Variants in RIMS2 observed in about 807,000 individuals in gnomAD.
RIMS2 encodes the protein regulating synaptic membrane exocytosis 2.
In RIMS2, 59 loss-of-function variants were observed where a neutral mutation model predicts 174.4. That is an observed-to-expected ratio of 0.34 (90% CI 0.27 to 0.42). The LOEUF is 0.42. Among genes scored for constraint, RIMS2 ranks in the 10% least tolerant of loss-of-function variants. The probability of loss-of-function intolerance (pLI) is 1.00; values close to 1 mark genes in which losing one functional copy is unlikely to be tolerated. For synonymous variants in RIMS2, 606 were observed against 572.5 expected, an observed-to-expected ratio of 1.06 and a Z score of -0.84; for missense variants, 1,620 against 1,666.3, an observed-to-expected ratio of 0.97 and a Z score of 0.48.
chr8:103,939,013 C>T (rs56309866), intron 13 of RIMS2, among the ~76,000 whole-genome samples: 19,293 of 152,158 alleles, frequency 0.13, 1,685 homozygotes, highest in Non-Finnish European at 0.19. Context: ...TGGGCTGGCG[C>T]TGAGTGTCTG....
chr8:103,992,252 G>T (rs2094757230), intron 17 of RIMS2, among the ~76,000 whole-genome samples: 2 of 149,950 alleles, frequency 1.3e-5, no homozygotes, highest in Admixed American at 6.7e-5. Flanking sequence ...GGGATTACAG[G>T]CATGTGCCAC....
intron 19 of RIMS2, among the ~76,000 whole-genome samples, chr8:104,105,382 T>A (rs2098026141): frequency 6.6e-6 from 1 of 152,144 alleles, no homozygotes; most frequent in African/African-American, 2.4e-5. Context: ...AAACAGCATG[T>A]TCAAGAAAGT....
rs535408168 is a variant in RIMS2 at position 103,778,820 on chromosome 8, A to G, written c.698+12283A>G. 5.9e-5 allele frequency among the ~76,000 whole-genome samples: 9 copies of G among 152,082 alleles called. No individual in the cohort carries two copies. In the South Asian group the frequency reaches 1.0e-3, roughly 18 times the overall value. On this transcript the variant is annotated intron_variant, in intron 3 of 23. Coordinates refer to ENST00000504942, the Ensembl canonical transcript of RIMS2. ...AGTTCTATTTTTAGTTTTTTGAGGA[A>G]CCGCCAAACTCTTCTCCATAGTGGC...
intron 19 of RIMS2, among the ~76,000 whole-genome samples, chr8:104,018,089 A>G (rs1305612126): frequency 6.6e-6 from 1 of 152,178 alleles, no homozygotes; most frequent in South Asian, 2.1e-4. Context: ...ATAAGTATCT[A>G]TTGGAGTCTT....
intron 3 of RIMS2, among the ~76,000 whole-genome samples, chr8:103,818,189 A>G (rs1705376001): frequency 2.0e-5 from 3 of 152,144 alleles, no homozygotes; most frequent in South Asian, 4.1e-4. Context: ...AACTTAATGT[A>G]TTTAAATGTC....
At chr8:103,607,103 T>C (rs935172398) in intron 1 of RIMS2, among the ~76,000 whole-genome samples, 1 of 152,158 alleles carries the variant, frequency 6.6e-6, no homozygotes, top group African/African-American at 2.4e-5. Flanking sequence ...GTCTCGATGG[T>C]CTTTACATTT....
intron 3 of RIMS2, among the ~76,000 whole-genome samples, chr8:103,824,029 G>T (rs774876442): frequency 2.6e-5 from 4 of 151,764 alleles, no homozygotes; most frequent in Non-Finnish European, 4.4e-5. Context: ...TATCTATTTA[G>T]ATTTCTAATC....
intron 1 of RIMS2, among the ~76,000 whole-genome samples, chr8:103,518,320 T>C (rs180969511): frequency 6.6e-6 from 1 of 152,200 alleles, no homozygotes; most frequent in East Asian, 1.9e-4. Flanking sequence ...AGAGGAATTG[T>C]CTTGGGCCAC....
rs1334005727 is a variant in RIMS2 at position 104,025,130 on chromosome 8, C to T, written c.3334+10515C>T. Among the ~76,000 whole-genome samples the T allele has an allele frequency of 6.6e-5, 10 of 152,108 alleles. No individual in the cohort carries two copies. In the South Asian group the frequency reaches 8.3e-4, roughly 13 times the overall value. On this transcript the variant is annotated intron_variant, in intron 19 of 23. Coordinates refer to ENST00000504942, the Ensembl canonical transcript of RIMS2. ...GTTCATTCTAAATTTTATTATTTGC[C>T]GTGTAGATATGCTATAAATCTACTT... is the stretch of plus-strand genomic sequence containing the variant.
chr8:104,135,563 G>A (rs1014352976), intron 19 of RIMS2, among the ~76,000 whole-genome samples: 5 of 141,958 alleles, frequency 3.5e-5, no homozygotes, highest in East Asian at 4.4e-4. Context: ...TTGTGATCAC[G>A]CCAGTGCACT....
chr8:103,602,332 C>T (rs546245292), intron 1 of RIMS2, among the ~76,000 whole-genome samples: 5 of 152,168 alleles, frequency 3.3e-5, no homozygotes, highest in South Asian at 4.1e-4. Flanking sequence ...TTTGGGGTTA[C>T]GTGTGCAGGT....
intron 19 of RIMS2, among the ~76,000 whole-genome samples, chr8:104,206,210 G>T (rs1446896113): frequency 6.6e-6 from 1 of 152,152 alleles, no homozygotes; most frequent in African/African-American, 2.4e-5. Flanking sequence ...ACAGAGAGGG[G>T]TTATTGAGTT....
chr8:103,585,556 A>C (rs925176873), intron 1 of RIMS2, among the ~76,000 whole-genome samples: 1 of 152,228 alleles, frequency 6.6e-6, no homozygotes, highest in Non-Finnish European at 1.5e-5. Context: ...TCAGCCATAA[A>C]AAAGAATGAC....
chr8:104,073,962 A>C (rs1005158591), intron 19 of RIMS2, among the ~76,000 whole-genome samples: 7 of 152,210 alleles, frequency 4.6e-5, no homozygotes, highest in African/African-American at 1.7e-4. Context: ...TATTAATAGA[A>C]AATATTTCAG....
chr8:103,971,211 C>T (rs1459859635), intron 15 of RIMS2, among the ~76,000 whole-genome samples: 2 of 152,112 alleles, frequency 1.3e-5, no homozygotes, highest in East Asian at 1.9e-4. Context: ...TAATTTATTT[C>T]CCATTGAAAA....
At chr8:103,651,074 C>T (rs2096443132) in intron 1 of RIMS2, among the ~76,000 whole-genome samples, 1 of 152,238 alleles carries the variant, frequency 6.6e-6, no homozygotes, top group South Asian at 2.1e-4. Context: ...CGAAACCTCA[C>T]ATAGCTCAGT....
intron 19 of RIMS2, chr8:104,094,392 T>C (rs1252609445): frequency 1.7e-6 from 1 of 573,186 alleles, no homozygotes; most frequent in Non-Finnish European, 3.1e-6. Flanking sequence ...TTATTACCTT[T>C]CTGTTTAATT....
In RIMS2 at chr8:104,251,817, A is replaced by T. The variant is rs138693244; in HGVS notation, c.4047A>T (p.Ser1349=). The stretch of plus-strand genomic sequence containing the variant: ...CAACTGGACCTTCTTACTCTCGTTC[A>T]TAGCAGCTGTAAAAAAATTGTTGTC... Residue 1349 remains serine, a synonymous_variant, in exon 24 of 24, where the codon TCA becomes TCT. Transcript: ENST00000504942. The T allele has an allele frequency of 1.3e-4, 198 of 1,575,916 alleles. No individual in the cohort carries two copies. The African/African-American group carries it at 2.5e-3, about 20-fold the overall frequency.
At chr8:103,615,628 G>A (rs574479016) in intron 1 of RIMS2, among the ~76,000 whole-genome samples, 4,698 of 152,086 alleles carry the variant, frequency 0.031, 215 homozygotes, top group African/African-American at 0.1. Context: ...TAGGCCACTA[G>A]CTAGACTAAT....
Sources: allele counts gnomAD v4.1 joint callset (sites outside exome capture counted in the v4.1 genomes callset), GRCh38; gene constraint gnomAD v4.1.1; transcripts MANE v1.5; gene names NCBI Gene and HGNC (gene_info 2026-07-23, HGNC 2026-07-21).